TBC1D14: variants seen among roughly 807,000 people sequenced by gnomAD.
TBC1D14 encodes the protein TBC1 domain family member 14.
Under a neutral mutation model 79.0 loss-of-function variants are expected in TBC1D14, and 26 were observed. The observed-to-expected ratio is 0.33, with a 90% confidence interval of 0.24 to 0.46. The LOEUF (loss-of-function observed/expected upper bound fraction) is 0.46. Ranked by LOEUF, TBC1D14 falls within the 20% of genes least tolerant of loss-of-function variation. The pLI is 1.00. For synonymous variants in TBC1D14, 394 were observed against 349.9 expected, an observed-to-expected ratio of 1.13 and a Z score of -1.40; for missense variants, 769 against 887.6, an observed-to-expected ratio of 0.87 and a Z score of 1.70.
intron 4 of TBC1D14, chr4:6,995,417 T>C (rs545821940): frequency 4.6e-5 from 7 of 152,318 alleles, no homozygotes; most frequent in African/African-American, 1.7e-4. Flanking sequence ...CTTTGGAGTG[T>C]GGGGTGAAAA....
chr4:6,967,044 C>G (rs200046248), intron 2 of TBC1D14, among the ~76,000 whole-genome samples: 1 of 152,136 alleles, frequency 6.6e-6, no homozygotes, highest in Non-Finnish European at 1.5e-5. Flanking sequence ...CTCCTGACCT[C>G]GTGATCTGCC....
intron 3 of TBC1D14, among the ~76,000 whole-genome samples, chr4:6,982,011 T>C (rs1717418587): frequency 6.6e-6 from 1 of 152,262 alleles, no homozygotes; most frequent in African/African-American, 2.4e-5. Flanking sequence ...TCGGAAGTCC[T>C]AGCTGGTACC....
chr4:6,986,722 A>G (rs1717863681), intron 3 of TBC1D14, among the ~76,000 whole-genome samples: 1 of 152,204 alleles, frequency 6.6e-6, no homozygotes, highest in African/African-American at 2.4e-5. Flanking sequence ...TAAAAACCTG[A>G]GGTCTCATCG....
chr4:6,966,781 G>A (rs1197351400), intron 2 of TBC1D14, among the ~76,000 whole-genome samples: 1 of 152,202 alleles, frequency 6.6e-6, no homozygotes, highest in African/African-American at 2.4e-5. Flanking sequence ...CTAAATTATA[G>A]AATTAGTTGA....
chr4:7,021,042 T>C (rs1332759572), intron 12 of TBC1D14, among the ~76,000 whole-genome samples: 1 of 152,230 alleles, frequency 6.6e-6, no homozygotes, highest in East Asian at 1.9e-4. Flanking sequence ...GCCAGTTCTG[T>C]TCCGTGGATG....
At chr4:6,960,528 T>C (rs577655752) in intron 2 of TBC1D14, among the ~76,000 whole-genome samples, 3 of 152,354 alleles carry the variant, frequency 2.0e-5, no homozygotes, top group East Asian at 1.9e-4. Flanking sequence ...TGTATGATTA[T>C]GTACCTTGCT....
chr4:6,946,038 C>G (rs745479781), intron 2 of TBC1D14, among the ~76,000 whole-genome samples: 3 of 152,140 alleles, frequency 2.0e-5, no homozygotes, highest in Non-Finnish European at 4.4e-5. Flanking sequence ...AATGGACTTT[C>G]AATTCAGACT....
chr4:6,986,044 C>T (rs962889248), intron 3 of TBC1D14, among the ~76,000 whole-genome samples: 9 of 152,210 alleles, frequency 5.9e-5, no homozygotes, highest in Non-Finnish European at 1.0e-4. Flanking sequence ...TCCTTCGTGC[C>T]TGTTTGCAGT....
intron 3 of TBC1D14, among the ~76,000 whole-genome samples, chr4:6,977,986 G>A (rs1716939202): frequency 6.6e-6 from 1 of 151,698 alleles, no homozygotes; most frequent in Admixed American, 6.5e-5. Flanking sequence ...TCTGAGAAGT[G>A]AGGAGCCCCT....
rs887915813 is a variant in TBC1D14 at position 6,949,724 on chromosome 4, T to G, written c.723-17580T>G. On this transcript the variant is annotated intron_variant, in intron 2 of 13. Coordinates refer to ENST00000409757, the MANE Select transcript of TBC1D14 (RefSeq NM_020773.3). ...TGAATCCTTGAACCTCTATTTAGGT[T>G]TTCTTTCATTTCTCCACATTTCGTA... Among the ~76,000 whole-genome samples, 9 of 151,674 alleles carry G rather than the reference T, an allele frequency of 5.9e-5. No homozygotes were observed. In the East Asian group the frequency reaches 9.7e-4, roughly 16 times the overall value.
At chr4:7,010,618 CTG>C in intron 10 of TBC1D14, 33 bp from the exon 11 acceptor site, 2 of 1,602,856 alleles carry the variant, frequency 1.2e-6, no homozygotes, top group East Asian at 4.5e-5. Context: ...CCTGTGGCCA[CTG>C]TGATTTTAAC....
chr4:7,001,973 C>G (rs1577151851), intron 7 of TBC1D14, among the ~76,000 whole-genome samples: 1 of 152,186 alleles, frequency 6.6e-6, no homozygotes, highest in East Asian at 1.9e-4. Context: ...TTTCTTGGGC[C>G]TAGGACCTGC....
intron 3 of TBC1D14, among the ~76,000 whole-genome samples, chr4:6,970,481 T>G (rs973938194): frequency 1.3e-5 from 2 of 152,390 alleles, no homozygotes; most frequent in Admixed American, 6.5e-5. Flanking sequence ...CAAGTCAACC[T>G]TGAACAACAG....
chr4:6,994,091 A>G (rs905797163), intron 3 of TBC1D14, 93 bp from the exon 4 acceptor site: 19 of 1,155,752 alleles, frequency 1.6e-5, no homozygotes, highest in Non-Finnish European at 2.5e-5. Flanking sequence ...AATTGGCTTA[A>G]AAGAGTTTCA....
intron 2 of TBC1D14, among the ~76,000 whole-genome samples, chr4:6,940,474 G>GGT (rs1450669841): frequency 2.6e-5 from 4 of 152,182 alleles, no homozygotes; most frequent in African/African-American, 9.7e-5. Flanking sequence ...CCAGGTGGCA[G>GGT]GTGGGGGTGC....
chr4:6,937,811 G>A (rs1712485370), intron 2 of TBC1D14, among the ~76,000 whole-genome samples: 1 of 152,154 alleles, frequency 6.6e-6, no homozygotes, highest in Admixed American at 6.5e-5. Context: ...GATTAGAGAA[G>A]CAGGATGGAG....
intron 3 of TBC1D14, among the ~76,000 whole-genome samples, chr4:6,989,392 C>T (rs1029110703): frequency 1.2e-4 from 19 of 152,196 alleles, no homozygotes; most frequent in South Asian, 4.1e-4. Context: ...TGCTAGCCTG[C>T]TTGTGGGTGT....
In TBC1D14 at chr4:7,024,036, G is replaced by A. The variant is rs1233292175; in HGVS notation, c.1758-968G>A. ...GAGCTGTGGGCTCTGTGCAATGCACGTCCATAACTGCATGTCCTCGGGACC... is the reference window on the plus strand; with the variant it reads ...GAGCTGTGGGCTCTGTGCAATGCACATCCATAACTGCATGTCCTCGGGACC... On this transcript the variant is annotated intron_variant, in intron 12 of 13. Transcript: ENST00000409757. Among the ~76,000 whole-genome samples, 5 of 152,194 alleles carry A rather than the reference G, an allele frequency of 3.3e-5. No individual in the cohort carries two copies. In the East Asian group the frequency reaches 5.8e-4, roughly 18 times the overall value.
chr4:6,971,171 C>T (rs1191096080), intron 3 of TBC1D14, among the ~76,000 whole-genome samples: 2 of 152,252 alleles, frequency 1.3e-5, no homozygotes, highest in Non-Finnish European at 2.9e-5. Context: ...CTGGCTTCAC[C>T]ACTTTTTGTC....
Sources: gnomAD v4.1 joint callset for allele counts (sites outside exome capture counted in the v4.1 genomes callset) on GRCh38, gnomAD v4.1.1 for gene constraint, MANE v1.5 for transcripts, NCBI Gene and HGNC (gene_info 2026-07-23, HGNC 2026-07-21) for gene names.